RUNX1T1: variants seen among roughly 807,000 people sequenced by gnomAD.
RUNX1T1 encodes RUNX1 partner transcriptional co-repressor 1, also known as protein CBFA2T1.
A neutral mutation model predicts 62.8 loss-of-function variants in RUNX1T1; 4 were observed. That is an observed-to-expected ratio of 0.06 (90% confidence interval 0.03 to 0.15). RUNX1T1 has a LOEUF of 0.15. Among genes scored for constraint, RUNX1T1 ranks in the 10% least tolerant of loss-of-function variants. RUNX1T1 has a pLI of 1.00. For missense variants in RUNX1T1, 508 were observed against 754.3 expected (o/e 0.67, Z 3.82); for synonymous variants, 291 against 286.0 (o/e 1.02, Z -0.18).
In RUNX1T1 at chr8:92,011,076, T is replaced by C. The variant is rs1488922322; in HGVS notation, c.403A>G (p.Ile135Val). The C allele has an allele frequency of 3.1e-6, 5 of 1,603,274 alleles. No homozygotes were observed. The East Asian group carries it at 6.7e-5, about 22-fold the overall frequency. ...TGCAGTTTGGAATGAAATTCTTCAATTGTCAAAGTGGAGTTCTATGGAAGA... is the reference window on the plus strand; with the variant it reads ...TGCAGTTTGGAATGAAATTCTTCAACTGTCAAAGTGGAGTTCTATGGAAGA... Residue 135 changes from isoleucine (I) to valine (V), a missense_variant, in exon 4 of 11, where the codon ATT becomes GTT. Physicochemically the swap from Ile to Val is conservative, Grantham distance 29. Coordinates refer to ENST00000396218, the Ensembl canonical transcript of RUNX1T1.
At chr8:92,046,380 G>A (rs983394609) in intron 1 of RUNX1T1, among the ~76,000 whole-genome samples, 1 of 152,016 alleles carries the variant, frequency 6.6e-6, no homozygotes, top group African/African-American at 2.4e-5. Context: ...AAAAATTTAA[G>A]ACAAAATCTC....
chr8:92,035,088 A>G (rs1309825459), intron 1 of RUNX1T1, among the ~76,000 whole-genome samples: 2 of 152,002 alleles, frequency 1.3e-5, no homozygotes, highest in East Asian at 1.9e-4. Flanking sequence ...TGAGGTCAGG[A>G]GTTCGAGACC....
chr8:92,064,872 G>A (rs1832637292), upstream of RUNX1T1, among the ~76,000 whole-genome samples: 1 of 152,118 alleles, frequency 6.6e-6, no homozygotes, highest in Non-Finnish European at 1.5e-5. Flanking sequence ...TCTTTTCTAT[G>A]TGTAAAAAGG....
exon 11 of RUNX1T1, chr8:91,959,594 A>G (rs1810021367): frequency 1.9e-5 from 4 of 210,910 alleles, no homozygotes; most frequent in Middle Eastern, 1.4e-3. Context: ...TTCATTTTTC[A>G]TTCTGTTGAC....
intron 1 of RUNX1T1, among the ~76,000 whole-genome samples, chr8:92,083,912 C>T (rs939025187): frequency 1.4e-4 from 22 of 152,114 alleles, no homozygotes; most frequent in Non-Finnish European, 1.5e-4. Context: ...TGGAATACTA[C>T]GCAGCCATAA....
At chr8:92,101,196 G>C (rs1838018998), upstream of RUNX1T1, among the ~76,000 whole-genome samples, 1 of 152,194 alleles carries the variant, frequency 6.6e-6, no homozygotes, top group African/African-American at 2.4e-5. Flanking sequence ...ACACATTTCA[G>C]TTCACACAGA....
intron 1 of RUNX1T1, 97 bp from the exon 2 acceptor site, chr8:92,076,234 T>C: frequency 1.1e-6 from 1 of 938,178 alleles, no homozygotes; most frequent in East Asian, 3.3e-5. Context: ...GCCAGTTTTG[T>C]TATGTTTTGT....
chr8:92,010,823 A>G, intron 4 of RUNX1T1, 179 bp downstream of exon 5: 2 of 480,190 alleles, frequency 4.2e-6, no homozygotes, highest in Non-Finnish European at 7.4e-6. Context: ...GTAATTATTT[A>G]AAACACTCCT....
intron 1 of RUNX1T1, among the ~76,000 whole-genome samples, chr8:92,086,085 A>G (rs916419939): frequency 1.3e-5 from 2 of 152,200 alleles, no homozygotes; most frequent in Middle Eastern, 3.2e-3. Flanking sequence ...TGCTTGGGGT[A>G]CTGAACAAAT....
intron 1 of RUNX1T1, among the ~76,000 whole-genome samples, chr8:92,026,988 C>T (rs545788092): frequency 2.2e-3 from 333 of 150,274 alleles, no homozygotes; most frequent in African/African-American, 7.6e-3. Flanking sequence ...TGGTGGCGCG[C>T]GCCTGTAGTC....
intron 3 of RUNX1T1, among the ~76,000 whole-genome samples, 199 bp downstream of exon 4, chr8:92,014,380 A>G (rs1452711524): frequency 1.3e-5 from 2 of 152,062 alleles, no homozygotes; most frequent in Non-Finnish European, 2.9e-5. Flanking sequence ...AAACAGTGAG[A>G]AAAAAAACTC....
intron 2 of RUNX1T1, 147 bp downstream of exon 2, chr8:92,075,818 A>T: frequency 1.4e-6 from 1 of 699,234 alleles, no homozygotes; most frequent in Admixed American, 3.3e-5. Context: ...GATTTCAAAG[A>T]CAAATGTTTA....
At chr8:92,047,611 A>G (rs1267408311) in intron 1 of RUNX1T1, among the ~76,000 whole-genome samples, 1 of 152,190 alleles carries the variant, frequency 6.6e-6, no homozygotes, top group African/African-American at 2.4e-5. Flanking sequence ...GCATGTATTA[A>G]GAGTTCAATA....
intron 1 of RUNX1T1, among the ~76,000 whole-genome samples, chr8:92,048,747 CTCTT>C (rs1259487707): frequency 1.3e-4 from 19 of 151,638 alleles, no homozygotes; most frequent in Non-Finnish European, 2.2e-4. Flanking sequence ...TGACAAAGAG[CTCTT>C]TCTATTATTG....
intron 10 of RUNX1T1, among the ~76,000 whole-genome samples, chr8:91,963,978 T>G (rs1283079060): frequency 6.6e-6 from 1 of 152,308 alleles, no homozygotes; most frequent in Middle Eastern, 3.4e-3. Context: ...GTGATAATGT[T>G]ATTCCCTTTT....
chr8:92,021,628 T>C (rs1824117081), intron 1 of RUNX1T1, among the ~76,000 whole-genome samples: 1 of 152,128 alleles, frequency 6.6e-6, no homozygotes, highest in Non-Finnish European at 1.5e-5. Context: ...TCAAGCAAGT[T>C]AGTTTTCCCG....
chr8:92,099,908 G>A (rs992082753), upstream of RUNX1T1, among the ~76,000 whole-genome samples: 1 of 152,010 alleles, frequency 6.6e-6, no homozygotes, highest in African/African-American at 2.4e-5. Context: ...AAATTATAAT[G>A]GCACCTTAAA....
Position 91,991,491 on chromosome 8 carries a change from T to A in RUNX1T1, c.910+148A>T. 5 of 866,450 alleles carry A rather than the reference T, an allele frequency of 5.8e-6. No homozygotes were observed. The East Asian group carries it at 1.2e-4, about 21-fold the overall frequency. The allele number at this position is 866,450 out of a possible 1,614,324, so 53.7% of individuals were successfully genotyped here. ...TAAAAGTCTATTAATACCAATCAAGTTTTTTTCATAAAGGAGACAATATAA... is the reference window on the plus strand; with the variant it reads ...TAAAAGTCTATTAATACCAATCAAGATTTTTTCATAAAGGAGACAATATAA... On this transcript the variant is annotated intron_variant, in intron 6 of 10. Coordinates refer to ENST00000396218, the Ensembl canonical transcript of RUNX1T1.
downstream of RUNX1T1, chr8:91,956,511 C>CT (rs1586657005): frequency 4.5e-6 from 1 of 222,246 alleles, no homozygotes; most frequent in Admixed American, 5.8e-5. Flanking sequence ...TTTTTTTCAA[C>CT]TTTTTTATTA....
Sources: allele counts gnomAD v4.1 joint callset (sites outside exome capture counted in the v4.1 genomes callset), GRCh38; gene constraint gnomAD v4.1.1; transcripts MANE v1.5; gene names NCBI Gene and HGNC (gene_info 2026-07-23, HGNC 2026-07-21).